SRMS: variants seen among roughly 807,000 people sequenced by gnomAD.
SRMS encodes src-related kinase lacking C-terminal regulatory tyrosine and N-terminal myristylation sites.
In SRMS, 42 loss-of-function variants were observed where a neutral mutation model predicts 43.5. The observed-to-expected ratio is 0.97, with a 90% CI of 0.75 to 1.25. SRMS has a LOEUF of 1.25. Ranked by LOEUF, SRMS falls within the 50% of genes most tolerant of loss-of-function variation. The pLI, the probability that SRMS is intolerant of heterozygous loss-of-function variation, is 0.00. For synonymous variants in SRMS, 316 were observed against 308.2 expected (o/e 1.03, Z -0.27); for missense variants, 703 against 681.0 (o/e 1.03, Z -0.36).
chr20:63,540,735 G>T lies in SRMS; in HGVS notation c.*83C>A. 1 of 1,485,596 alleles carries T rather than the reference G, an allele frequency of 6.7e-7. No homozygotes were observed. Among genetic ancestry groups the T allele is most frequent in the South Asian group, 1.3e-5 (1 of 75,062 alleles). 92.0% of individuals were successfully genotyped at this position (1,485,596 alleles called of 1,614,324 possible). On this transcript the variant is annotated 3_prime_UTR_variant, in exon 8 of 8. Coordinates refer to ENST00000217188, the MANE Select transcript of SRMS (RefSeq NM_080823.4). ...CAGCCAGAGGCTCCTCGGTCCGGCA[G>T]ACCGGCATCCCTTCGAGTTGGCGCT...
rs2082718833 is a variant in SRMS at position 63,544,223 on chromosome 20, G to T, written c.478+4C>A. On this transcript the variant is annotated splice_donor_region_variant and intron_variant, in intron 2 of 7. Coordinates refer to ENST00000217188, the MANE Select transcript of SRMS (RefSeq NM_080823.4). The stretch of plus-strand genomic sequence containing the variant: ...ACAGAGGCAGGAGGGGCCGCCCCAG[G>T]TACCTGACAGTGAGTAGCCCCCGAG... The T allele has an allele frequency of 2.1e-6, 3 of 1,450,128 alleles. No individual in the cohort carries two copies. Among genetic ancestry groups the T allele is most frequent in the Non-Finnish European group, 2.7e-6 (3 of 1,100,612 alleles). 89.8% of individuals were successfully genotyped at this position (1,450,128 alleles called of 1,614,324 possible).
At chr20:63,544,078 G>T in intron 2 of SRMS, 149 bp downstream of exon 2, 1 of 912,484 alleles carries the variant, frequency 1.1e-6, no homozygotes, top group Non-Finnish European at 1.5e-6. Context: ...GAGTTAGCAA[G>T]TGCAGGAGGT....
chr20:63,547,492 G>A lies in SRMS; in HGVS notation c.-29C>T. On this transcript the variant is annotated 5_prime_UTR_variant, in exon 1 of 8. Transcript: ENST00000217188. ...CCGGGGTCACCACGCTGGGCCCGAG[G>A]GCCATGGGAGCCCGCGAGCCCGGAA... The A allele has an allele frequency of 1.4e-6, 2 of 1,441,380 alleles. No individual in the cohort carries two copies. Among genetic ancestry groups the A allele is most frequent in the South Asian group, 1.5e-5 (1 of 68,162 alleles). The allele number at this position is 1,441,380 out of a possible 1,614,324, so 89.3% of individuals were successfully genotyped here. A position where few individuals can be genotyped will look rare whatever the true frequency, so the allele number is the denominator to read the frequency against.
intron 1 of SRMS, among the ~76,000 whole-genome samples, chr20:63,546,154 T>C (rs1276615111): frequency 6.6e-6 from 1 of 152,092 alleles, no homozygotes; most frequent in Non-Finnish European, 1.5e-5. Context: ...CCTCCACACC[T>C]GGGGTGACTG....
intron 1 of SRMS, among the ~76,000 whole-genome samples, chr20:63,546,905 G>T (rs548949394): frequency 6.6e-6 from 1 of 152,190 alleles, no homozygotes; most frequent in African/African-American, 2.4e-5. Context: ...TCTCCCTCTC[G>T]GCAGCCCACA....
intron 3 of SRMS, among the ~76,000 whole-genome samples, chr20:63,542,898 G>A (rs556858902): frequency 8.8e-4 from 134 of 152,300 alleles, no homozygotes; most frequent in African/African-American, 3.2e-3. Context: ...CGGCAGGGTG[G>A]CTCACATCGG....
At chr20:63,544,075 C>T in intron 2 of SRMS, 152 bp downstream of exon 2, 1 of 861,882 alleles carries the variant, frequency 1.2e-6, no homozygotes, top group Non-Finnish European at 1.6e-6. Flanking sequence ...GGTGAGTTAG[C>T]AAGTGCAGGA....
rs1314551018 is a variant in SRMS, at chr20:63,547,692, CT to C, written c.-230del. 2.0e-5 allele frequency among the ~76,000 whole-genome samples: 3 copies of C among 152,202 alleles called. No homozygotes were observed. The East Asian group carries it at 5.8e-4, about 29-fold the overall frequency. On this transcript the variant is annotated 5_prime_UTR_variant, in exon 1 of 8. Coordinates refer to ENST00000217188, the MANE Select transcript of SRMS (RefSeq NM_080823.4). The stretch of plus-strand genomic sequence containing the variant: ...CTGGGTGGGGCGCAGGGCGGACCCC[CT>C]GCCTCAGGCACACCGACAGCACCTC...
intron 2 of SRMS, 129 bp downstream of exon 2, chr20:63,544,098 A>T: frequency 8.8e-7 from 1 of 1,139,660 alleles, no homozygotes; most frequent in Non-Finnish European, 1.1e-6. Context: ...TGACCAGCAT[A>T]TCTGCTGTTG....
chr20:63,543,514 T>C (rs6011894), intron 2 of SRMS, 34 bp from the exon 3 acceptor site: 75,632 of 1,604,028 alleles, frequency 0.047, 5,027 homozygotes, highest in South Asian at 0.28. Context: ...ACCCCTGCCT[T>C]GGCTGCCAGC....
rs1398346924 is a variant in SRMS at position 63,542,270 on chromosome 20, A to G, written c.839T>C (p.Leu280Pro). The change falls in exon 5 of 8, where the codon CTG (leucine) becomes CCG (proline). Residue 280 changes from leucine (L) to proline (P), a missense_variant. By Grantham distance (98) the Leu-to-Pro change is moderately conservative. Coordinates refer to ENST00000217188, the MANE Select transcript of SRMS (RefSeq NM_080823.4). ...LAKEIQTLKG[L>P]RHERLIRLHA... Reference sequence around the variant, plus strand: ...CAGCCGGATGAGCCGCTCGTGCCGCAGGCCCTTCAGTGTCTGGATCTCCTT... The same window carrying G: ...CAGCCGGATGAGCCGCTCGTGCCGCGGGCCCTTCAGTGTCTGGATCTCCTT... 1 of 1,612,514 alleles carries G rather than the reference A, an allele frequency of 6.2e-7. No homozygotes were observed.
chr20:63,542,351 G>T, intron 4 of SRMS, 30 bp from the exon 5 acceptor site: 1 of 1,599,194 alleles, frequency 6.3e-7, no homozygotes, highest in Non-Finnish European at 8.6e-7. Context: ...TCCAGGACCG[G>T]CCCACGCCAC....
chr20:63,542,322 C>T lies in SRMS; in HGVS notation c.788-1G>A. On this transcript the variant is annotated splice_acceptor_variant, in intron 4 of 7. Transcript: ENST00000217188. LOFTEE classifies it high-confidence loss of function. ...GCGAGGTCAGTGAGCTTCATGTTGG[C>T]TGCGAGAGAGGGTGTGGCTCCAGGA... 6.2e-7 allele frequency: 1 copy of T among 1,606,940 alleles called. No homozygotes were observed. Among genetic ancestry groups the T allele is most frequent in the Non-Finnish European group, 8.5e-7 (1 of 1,175,276 alleles).
chr20:63,547,271 G>A lies in SRMS; in HGVS notation c.193C>T (p.Arg65Trp), dbSNP rs764471349. ...CGGACACTCAGCTCCCCGCCACACC[G>A]CGCCGTGAAGTCATAGAGCGCAAGG... ...LFLALYDFTA[R>W]CGGELSVRRG... The change falls in exon 1 of 8, where the codon CGG becomes TGG. Residue 65 changes from arginine (R) to tryptophan (W), a missense_variant. Coordinates refer to ENST00000217188, the MANE Select transcript of SRMS (RefSeq NM_080823.4). 1.8e-5 allele frequency: 29 copies of A among 1,610,028 alleles called. No homozygotes were observed. The highest frequency in any genetic ancestry group is 6.7e-5 in the East Asian group (3 of 44,752).
At chr20:63,544,150 C>T (rs897455010) in intron 2 of SRMS, 77 bp downstream of exon 2, 5 of 1,363,878 alleles carry the variant, frequency 3.7e-6, no homozygotes, top group Non-Finnish European at 4.7e-6. Context: ...GCCAGCACTG[C>T]CTAGAGACCA....
Position 63,540,570 on chromosome 20 carries a change from C to T in SRMS, c.*248G>A, listed in dbSNP as rs1600943590. 6.6e-6 allele frequency among the ~76,000 whole-genome samples: 1 copy of T among 152,140 alleles called. No individual in the cohort carries two copies. The highest frequency in any genetic ancestry group is 1.5e-5 in the Non-Finnish European group (1 of 67,994). On this transcript the variant is annotated 3_prime_UTR_variant, in exon 8 of 8. Coordinates refer to ENST00000217188, the MANE Select transcript of SRMS (RefSeq NM_080823.4). The stretch of plus-strand genomic sequence containing the variant: ...CGTCAGCCCCAGCCCTTCGTCTGCA[C>T]GAGTCACACTGCATGGGGGACGTCA...
Position 63,542,537 on chromosome 20 carries a change from G to C in SRMS, c.690C>G (p.Phe230Leu). ...CTTCACCCAGCTTCCTCCCAAGGGC[G>C]AATTCGGAGTGTGGCCGCTCCCACA... ...QDVWERPHSE[F>L]ALGRKLGEGY... Residue 230 changes from phenylalanine to leucine, a missense_variant, in exon 4 of 8, where the codon TTC becomes TTG. Physicochemically the swap from Phe to Leu is conservative, Grantham distance 22. Coordinates refer to ENST00000217188, the MANE Select transcript of SRMS (RefSeq NM_080823.4). 6.3e-7 allele frequency: 1 copy of C among 1,578,442 alleles called. No homozygotes were observed. Among genetic ancestry groups the C allele is most frequent in the Non-Finnish European group, 8.6e-7 (1 of 1,157,718 alleles).
rs760106125 is a variant in SRMS, at chr20:63,542,204, G to A, written c.905C>T (p.Thr302Met). The A allele has an allele frequency of 2.0e-5, 32 of 1,612,144 alleles. No homozygotes were observed. Among genetic ancestry groups the A allele is most frequent in the Admixed American group, 5.0e-5 (3 of 59,958 alleles). Residue 302 changes from threonine to methionine, a missense_variant, in exon 5 of 8, where the codon ACG becomes ATG. By Grantham distance (81) the Thr-to-Met change is moderately conservative. Coordinates refer to ENST00000217188, the MANE Select transcript of SRMS (RefSeq NM_080823.4). Reference protein sequence around the residue: ...CSGGEPVYIVTELMRKGNLQA... With the variant: ...CSGGEPVYIVMELMRKGNLQA... ...CAGGTTCCCCTTGCGCATGAGTTCC[G>A]TGACGATGTACACAGGCTCCCCGCC...
At position 63,541,570 on chromosome 20, in the gene SRMS, G is replaced by A. The variant is rs769573837; in HGVS notation, c.997C>T (p.Gln333Ter). ...AGGTAGCTCATGCCCTCAGCCACCT[G>A]GCAGGCAAAGCCCAGGAGTGGCGGC... is the stretch of plus-strand genomic sequence containing the variant. ...RLPPLLGFAC[Q>*]VAEGMSYLEE... The change falls in exon 6 of 8, where the codon CAG (glutamine) becomes TAG (stop). Residue 333 changes from glutamine (Q) to a stop codon, truncating the protein, a stop_gained. Coordinates refer to ENST00000217188, the MANE Select transcript of SRMS (RefSeq NM_080823.4). LOFTEE classifies it high-confidence loss of function. The A allele has an allele frequency of 1.2e-5, 19 of 1,578,628 alleles. No homozygotes were observed. The Admixed American group carries it at 3.3e-4, about 27-fold the overall frequency.
Sources: gnomAD v4.1 joint callset for allele counts (sites outside exome capture counted in the v4.1 genomes callset) on GRCh38, gnomAD v4.1.1 for gene constraint, MANE v1.5 for transcripts, NCBI Gene and HGNC (gene_info 2026-07-23, HGNC 2026-07-21) for gene names.